FTO: variants seen among roughly 807,000 people sequenced by gnomAD.
The protein encoded by FTO is FTO alpha-ketoglutarate dependent dioxygenase.
Under a neutral mutation model 63.9 loss-of-function variants are expected in FTO, and 47 were observed. The observed-to-expected ratio is 0.74, with a 90% CI of 0.58 to 0.94. The LOEUF is 0.94. FTO is among the 40% of genes least tolerant of loss of function. The pLI, the probability that FTO is intolerant of heterozygous loss-of-function variation, is 0.00. For synonymous variants in FTO, 207 were observed against 224.4 expected, an observed-to-expected ratio of 0.92 and a Z score of 0.69; for missense variants, 562 against 618.1, an observed-to-expected ratio of 0.91 and a Z score of 0.96.
chr16:53,852,845 G>C (rs76901523), intron 4 of FTO, among the ~76,000 whole-genome samples: 1,980 of 152,140 alleles, frequency 0.013, 39 homozygotes, highest in African/African-American at 0.044. Flanking sequence ...CTTACTGATA[G>C]AAGAAGCATG....
chr16:53,767,146 T>C (rs1248699788), intron 1 of FTO, among the ~76,000 whole-genome samples: 1 of 152,174 alleles, frequency 6.6e-6, no homozygotes, highest in Admixed American at 6.5e-5. Context: ...TCCACTGTTA[T>C]AAGTGGTGTT....
intron 4 of FTO, among the ~76,000 whole-genome samples, chr16:53,865,802 TTCTTTTGAA>T (rs1041130211): frequency 6.6e-6 from 1 of 152,200 alleles, no homozygotes; most frequent in African/African-American, 2.4e-5. Context: ...AGATTATTGA[TTCTTTTGAA>T]TTTGCTACAC....
intron 7 of FTO, among the ~76,000 whole-genome samples, chr16:53,902,353 C>G (rs959055585): frequency 6.6e-6 from 1 of 152,138 alleles, no homozygotes; most frequent in African/African-American, 2.4e-5. Context: ...AGGATGTAGG[C>G]TTTTCTGGAG....
chr16:53,819,158 A>G (rs532062882), intron 2 of FTO, among the ~76,000 whole-genome samples: 3 of 152,290 alleles, frequency 2.0e-5, no homozygotes, highest in African/African-American at 4.8e-5. Flanking sequence ...TACAAATTAT[A>G]TATTTTCCAA....
At position 54,117,378 on chromosome 16, in the gene FTO, T is replaced by C. The variant is rs529582223; in HGVS notation, c.*5463T>C. On this transcript the variant is annotated 3_prime_UTR_variant, in exon 9 of 9. Transcript: ENST00000471389. Reference sequence around the variant, plus strand: ...ACTGGGCCAAATCACTTAACCCCTCTGCGCTCCAGTCTTTGTTTCTATAAT... The same window carrying C: ...ACTGGGCCAAATCACTTAACCCCTCCGCGCTCCAGTCTTTGTTTCTATAAT... 1 of 152,312 alleles carries C rather than the reference T, an allele frequency of 6.6e-6. No homozygotes were observed. The highest frequency in any genetic ancestry group is 1.5e-5 in the Non-Finnish European group (1 of 68,028). 9.4% of individuals were successfully genotyped at this position (152,312 alleles called of 1,614,324 possible).
At chr16:53,823,687 T>G (rs772662037) in intron 2 of FTO, among the ~76,000 whole-genome samples, 1 of 152,126 alleles carries the variant, frequency 6.6e-6, no homozygotes, top group Non-Finnish European at 1.5e-5. Flanking sequence ...TATTCTTAAC[T>G]TCTATCCTGA....
intron 8 of FTO, among the ~76,000 whole-genome samples, chr16:54,053,223 A>G (rs2085351293): frequency 6.6e-6 from 1 of 152,136 alleles, no homozygotes; most frequent in Admixed American, 6.5e-5. Flanking sequence ...GCCAGCTTTC[A>G]CCTTTGCTCA....
At chr16:53,763,053 T>C (rs1286055085) in intron 1 of FTO, among the ~76,000 whole-genome samples, 1 of 152,204 alleles carries the variant, frequency 6.6e-6, no homozygotes, top group East Asian at 1.9e-4. Flanking sequence ...TAAAGTGACT[T>C]GTGATTTCTT....
At chr16:53,746,459 T>C (rs1404459556) in intron 1 of FTO, among the ~76,000 whole-genome samples, 1 of 152,222 alleles carries the variant, frequency 6.6e-6, no homozygotes, top group Non-Finnish European at 1.5e-5. Context: ...CAGTGTAGCC[T>C]GGACCATTGT....
rs866255058 is a variant in FTO at position 53,789,781 on chromosome 16, C to T, written c.46-20359C>T. On this transcript the variant is annotated intron_variant, in intron 1 of 8. Transcript: ENST00000471389. ...ATATATATATATACACACACACACACATATATGTATGTATGTATACATGTG... is the reference window on the plus strand; with the variant it reads ...ATATATATATATACACACACACACATATATATGTATGTATGTATACATGTG... Among the ~76,000 whole-genome samples, 138 of 149,744 alleles carry T rather than the reference C, an allele frequency of 9.2e-4. 1 individual carries two copies. Among genetic ancestry groups the T allele is most frequent in the Admixed American group, 2.7e-3 (40 of 15,002 alleles).
Position 53,757,661 on chromosome 16 carries a change from C to G in FTO, c.46-52479C>G, listed in dbSNP as rs541216487. On this transcript the variant is annotated intron_variant, in intron 1 of 8. Transcript: ENST00000471389. ...CTTTTATAAGTCTATGATTTCAGAA[C>G]TATGTCCATCTTTACACCTCTAAAG... Among the ~76,000 whole-genome samples the G allele has an allele frequency of 3.3e-5, 5 of 152,230 alleles. No individual in the cohort carries two copies. In the South Asian group the frequency reaches 8.3e-4, roughly 25 times the overall value.
chr16:54,064,193 T>A lies in FTO; in HGVS notation c.1365-47569T>A, dbSNP rs575223606. On this transcript the variant is annotated intron_variant, in intron 8 of 8. Transcript: ENST00000471389. ...ATTATCACCACTGTTGCTGCTGCTA[T>A]TACTATTACTACTTCTACTTGAGTG... Among the ~76,000 whole-genome samples the A allele has an allele frequency of 9.4e-4, 143 of 152,308 alleles. 1 individual carries two copies. The highest frequency in any genetic ancestry group is 3.3e-3 in the African/African-American group (138 of 41,580).
At chr16:53,768,606 G>A (rs1456017673) in intron 1 of FTO, among the ~76,000 whole-genome samples, 1 of 152,154 alleles carries the variant, frequency 6.6e-6, no homozygotes, top group Non-Finnish European at 1.5e-5. Context: ...TTGGTGGGAT[G>A]GATAGGCAGC....
At chr16:53,906,588 A>G (rs2081545881) in intron 7 of FTO, among the ~76,000 whole-genome samples, 1 of 152,192 alleles carries the variant, frequency 6.6e-6, no homozygotes, top group Admixed American at 6.5e-5. Context: ...GGTAGGATAC[A>G]TTTAGGTGGA....
chr16:54,111,368 C>A (rs896117445), intron 8 of FTO, among the ~76,000 whole-genome samples: 2 of 152,110 alleles, frequency 1.3e-5, no homozygotes, highest in Admixed American at 6.6e-5. Flanking sequence ...TTTAATCTTT[C>A]CCAGTAATCT....
At chr16:54,076,206 A>G (rs1351583542) in intron 8 of FTO, among the ~76,000 whole-genome samples, 1 of 152,220 alleles carries the variant, frequency 6.6e-6, no homozygotes, top group African/African-American at 2.4e-5. Flanking sequence ...TGAGTGACAC[A>G]ACTTAATCTT....
chr16:53,735,000 G>T (rs546751298), intron 1 of FTO, among the ~76,000 whole-genome samples: 2 of 152,222 alleles, frequency 1.3e-5, no homozygotes, highest in Non-Finnish European at 2.9e-5. Flanking sequence ...CGATTCCTAC[G>T]CTTGGCTTAG....
intron 8 of FTO, among the ~76,000 whole-genome samples, chr16:53,943,035 C>T (rs551534721): frequency 6.6e-6 from 1 of 152,138 alleles, no homozygotes; most frequent in Non-Finnish European, 1.5e-5. Flanking sequence ...TTTTTTAAGA[C>T]ATCTGTCCCT....
chr16:53,919,465 A>G (rs907048281), intron 7 of FTO, among the ~76,000 whole-genome samples: 1 of 152,184 alleles, frequency 6.6e-6, no homozygotes, highest in Non-Finnish European at 1.5e-5. Context: ...CAGCAGTCCC[A>G]CTACTGGGTG....
Sources: allele counts gnomAD v4.1 joint callset (sites outside exome capture counted in the v4.1 genomes callset), GRCh38; gene constraint gnomAD v4.1.1; transcripts MANE v1.5; gene names NCBI Gene and HGNC (gene_info 2026-07-23, HGNC 2026-07-21).